The following TIAM1 variants were observed in gnomAD, a reference collection of about 807,000 sequenced individuals.
TIAM1 encodes rho guanine nucleotide exchange factor TIAM1.
TIAM1 carries 65 observed loss-of-function variants against 163.5 expected under a neutral mutation model. That is an observed-to-expected ratio of 0.40 (90% confidence interval 0.33 to 0.49). TIAM1 has a LOEUF of 0.49. Among genes scored for constraint, TIAM1 ranks in the 20% least tolerant of loss-of-function variants. The pLI is 0.77. For missense variants in TIAM1, 1,789 were observed against 2,044.7 expected, an observed-to-expected ratio of 0.87 and a Z score of 2.41; for synonymous variants, 833 against 810.1, an observed-to-expected ratio of 1.03 and a Z score of -0.48.
At chr21:31,261,440 G>A (rs992949452) in intron 4 of TIAM1, among the ~76,000 whole-genome samples, 4 of 152,174 alleles carry the variant, frequency 2.6e-5, no homozygotes, top group African/African-American at 4.8e-5. Flanking sequence ...GGCCGGGTGC[G>A]GTGGCTCACG....
intron 2 of TIAM1, among the ~76,000 whole-genome samples, chr21:31,315,373 G>A (rs2075076480): frequency 6.6e-6 from 1 of 151,956 alleles, no homozygotes; most frequent in Non-Finnish European, 1.5e-5. Flanking sequence ...AAATTATCCA[G>A]GCATGGTGGC....
chr21:31,191,757 G>A (rs936356741), intron 13 of TIAM1, among the ~76,000 whole-genome samples: 6 of 152,186 alleles, frequency 3.9e-5, no homozygotes, highest in Non-Finnish European at 5.9e-5. Flanking sequence ...AAAAGTAAAT[G>A]GGTTCTGTGA....
At chr21:31,394,005 G>A (rs2077010630) in intron 2 of TIAM1, among the ~76,000 whole-genome samples, 1 of 151,900 alleles carries the variant, frequency 6.6e-6, no homozygotes, top group Non-Finnish European at 1.5e-5. Flanking sequence ...TATATTATGT[G>A]AATATACATT....
intron 1 of TIAM1, among the ~76,000 whole-genome samples, chr21:31,549,112 G>A (rs971610866): frequency 6.6e-6 from 1 of 152,122 alleles, no homozygotes; most frequent in East Asian, 1.9e-4. Context: ...TAAAATAACT[G>A]AGTGATTCAG....
intron 4 of TIAM1, among the ~76,000 whole-genome samples, chr21:31,254,820 A>G (rs2072002830): frequency 6.6e-6 from 1 of 152,214 alleles, no homozygotes; most frequent in Non-Finnish European, 1.5e-5. Context: ...GCAAAAAGCT[A>G]AAACCTGCAA....
In TIAM1 at chr21:31,165,021, G is replaced by A. The variant is rs1413039943; in HGVS notation, c.2932C>T (p.Pro978Ser). Residue 978 changes from proline (P) to serine (S), a missense_variant, in exon 16 of 28, where the codon CCA becomes TCA. Pro to Ser is a moderately conservative substitution (Grantham distance 74, BLOSUM62 -1). Around this residue, in one of 5 missense-constraint regions of TIAM1, gnomAD observed 303 missense variants for 321.3 expected, o/e 0.94. Transcript: ENST00000541036. ...SEQGSSAETA[P>S]EETEGPDLES... is the part of the protein sequence containing the mutation. ...AAGTCTGGCCCCTCGGTCTCCTCTG[G>A]AGCGGTCTCAGCACTGCTGCCCTGC... is the stretch of plus-strand genomic sequence containing the variant. 6.2e-7 allele frequency: 1 copy of A among 1,614,128 alleles called. No individual in the cohort carries two copies. The highest frequency in any genetic ancestry group is 8.5e-7 in the Non-Finnish European group (1 of 1,180,048).
In TIAM1 at chr21:31,168,350, C is replaced by G. The variant is rs191394614; in HGVS notation, c.2888-3285G>C. ...CAGGTGATCTGCCCACCTCGGCCCC[C>G]CAAAGTGCTGGGATTAGAGGCATGA... On this transcript the variant is annotated intron_variant, in intron 15 of 27. Transcript: ENST00000541036. Among the ~76,000 whole-genome samples, 6 of 152,182 alleles carry G rather than the reference C, an allele frequency of 3.9e-5. No homozygotes were observed. In the East Asian group the frequency reaches 1.2e-3, roughly 30 times the overall value.
In TIAM1 at chr21:31,276,148, G is replaced by C. The variant is rs569597310; in HGVS notation, c.-12+584C>G. ...GAGGCTGAGCTTGAAGACGGTGTTGGGGGGTGGGGGTGAGGGAGAGCTAAG... is the reference window on the plus strand; with the variant it reads ...GAGGCTGAGCTTGAAGACGGTGTTGCGGGGTGGGGGTGAGGGAGAGCTAAG... On this transcript the variant is annotated intron_variant, in intron 3 of 27. Transcript: ENST00000541036. 1.2e-4 allele frequency among the ~76,000 whole-genome samples: 19 copies of C among 152,146 alleles called. No homozygotes were observed. The South Asian group carries it at 3.1e-3, about 25-fold the overall frequency.
rs142104814 is a variant in TIAM1, at chr21:31,330,176, G to A, written c.-189+9067C>T. ...TAGTTTCACCACCCTGGGAGCACCA[G>A]TCCTGTGTGCCCTGCCTGTTCATCC... On this transcript the variant is annotated intron_variant, in intron 2 of 27. Transcript: ENST00000541036. Among the ~76,000 whole-genome samples, 7 of 152,266 alleles carry A rather than the reference G, an allele frequency of 4.6e-5. No individual in the cohort carries two copies. In the East Asian group the frequency reaches 1.2e-3, roughly 25 times the overall value.
intron 15 of TIAM1, among the ~76,000 whole-genome samples, chr21:31,168,346 C>T (rs918807396): frequency 2.6e-5 from 4 of 152,086 alleles, no homozygotes; most frequent in East Asian, 1.9e-4. Flanking sequence ...CCCACCTCGG[C>T]CCCCCAAAGT....
intron 5 of TIAM1, among the ~76,000 whole-genome samples, chr21:31,246,810 A>G (rs1157268086): frequency 6.6e-6 from 1 of 152,194 alleles, no homozygotes; most frequent in African/African-American, 2.4e-5. Context: ...GCATATTGAT[A>G]TGCCCTGCCC....
intron 1 of TIAM1, among the ~76,000 whole-genome samples, chr21:31,495,478 T>G (rs73197647): frequency 6.6e-6 from 1 of 152,180 alleles, no homozygotes; most frequent in Non-Finnish European, 1.5e-5. Flanking sequence ...CTTAATGCCA[T>G]TCACGACAGA....
intron 20 of TIAM1, among the ~76,000 whole-genome samples, chr21:31,142,904 A>G (rs1254603826): frequency 1.3e-5 from 2 of 152,238 alleles, no homozygotes; most frequent in East Asian, 3.9e-4. Context: ...TGGGACCCCA[A>G]ACAGAGGTAC....
chr21:31,552,638 G>GT (rs1172205148), intron 1 of TIAM1, among the ~76,000 whole-genome samples: 1 of 152,104 alleles, frequency 6.6e-6, no homozygotes, highest in Non-Finnish European at 1.5e-5. Context: ...GCCAGGCATG[G>GT]TGGTAGGCGC....
chr21:31,142,118 T>C (rs921189478), intron 20 of TIAM1, among the ~76,000 whole-genome samples: 2 of 152,040 alleles, frequency 1.3e-5, no homozygotes, highest in Non-Finnish European at 2.9e-5. Flanking sequence ...TCCCTCTGCC[T>C]CCTGACACTG....
chr21:31,419,968 G>C (rs2043508414), intron 2 of TIAM1, among the ~76,000 whole-genome samples: 1 of 152,176 alleles, frequency 6.6e-6, no homozygotes, highest in African/African-American at 2.4e-5. Flanking sequence ...AGAATCGCTT[G>C]AACCCGAGAG....
At chr21:31,233,753 G>C (rs974090543) in intron 6 of TIAM1, among the ~76,000 whole-genome samples, 1 of 152,154 alleles carries the variant, frequency 6.6e-6, no homozygotes, top group Non-Finnish European at 1.5e-5. Flanking sequence ...CACTGAAAAT[G>C]GTGATATAAT....
At chr21:31,211,261 G>C (rs2086875042) in intron 10 of TIAM1, among the ~76,000 whole-genome samples, 1 of 152,200 alleles carries the variant, frequency 6.6e-6, no homozygotes. Flanking sequence ...AAGCTAAGCA[G>C]ATGAAGCAGA....
intron 2 of TIAM1, among the ~76,000 whole-genome samples, chr21:31,430,742 T>C (rs2043998460): frequency 6.6e-6 from 1 of 152,220 alleles, no homozygotes; most frequent in African/African-American, 2.4e-5. Context: ...TATTGTTTTC[T>C]TCATTTAAAT....
Sources: allele counts gnomAD v4.1 joint callset (sites outside exome capture counted in the v4.1 genomes callset), GRCh38; gene constraint gnomAD v4.1.1; regional missense constraint gnomAD v4.1.1; transcripts MANE v1.5; gene names NCBI Gene and HGNC (gene_info 2026-07-23, HGNC 2026-07-21).